Variants in SESN1 observed in about 807,000 individuals in gnomAD.
SESN1 encodes sestrin-1.
Under a neutral mutation model 59.3 loss-of-function variants are expected in SESN1, and 30 were observed. The observed-to-expected ratio is 0.51, with a 90% CI of 0.38 to 0.69. SESN1 has a LOEUF of 0.69. Ranked by LOEUF, SESN1 falls within the 30% of genes least tolerant of loss-of-function variation. The probability of loss-of-function intolerance (pLI) is 0.00; values close to 1 mark genes in which losing one functional copy is unlikely to be tolerated. For synonymous variants in SESN1, 197 were observed against 219.9 expected (o/e 0.90, Z 0.92); for missense variants, 566 against 673.0 (o/e 0.84, Z 1.76).
intron 2 of SESN1, 25 bp from the exon 3 acceptor site, chr6:109,001,513 T>G (rs149654439): frequency 6.3e-7 from 1 of 1,590,520 alleles, no homozygotes; most frequent in Non-Finnish European, 8.6e-7. Flanking sequence ...AAAACCATGG[T>G]TACTGAAATG....
Position 109,077,591 on chromosome 6 carries a change from C to A in SESN1, c.279+16204G>T, listed in dbSNP as rs111947237. On this transcript the variant is annotated intron_variant, in intron 1 of 9. Transcript: ENST00000436639. ...CTGAGTTTTGCAGATCTGGTGTGAC[C>A]CACATGATCAGACAGTGTCACCAGC... is the stretch of plus-strand genomic sequence containing the variant. Among the ~76,000 whole-genome samples, 1,114 of 152,188 alleles carry A rather than the reference C, an allele frequency of 7.3e-3. 5 individuals are homozygous for A. The highest frequency in any genetic ancestry group is 0.011 in the Non-Finnish European group (778 of 68,006).
intron 1 of SESN1, among the ~76,000 whole-genome samples, chr6:109,073,959 G>A (rs1371102038): frequency 6.6e-6 from 1 of 152,118 alleles, no homozygotes; most frequent in Non-Finnish European, 1.5e-5. Context: ...TATTAGTATT[G>A]GGACATACAG....
chr6:109,009,308 T>TGCC lies in SESN1; in HGVS notation c.280-6968_280-6966dup, dbSNP rs900966882. 20 of 1,427,228 alleles carry TGCC rather than the reference T, an allele frequency of 1.4e-5. No individual in the cohort carries two copies. The African/African-American group carries it at 3.0e-4, about 21-fold the overall frequency. 88.4% of individuals were successfully genotyped at this position (1,427,228 alleles called of 1,614,324 possible). On this transcript the variant is annotated intron_variant, in intron 1 of 9. Coordinates refer to ENST00000436639, the MANE Select transcript of SESN1 (RefSeq NM_014454.3). The stretch of plus-strand genomic sequence containing the variant: ...TGTTGCACAGGGCAGCTCGGCCGGG[T>TGCC]GCCCACCCGCCCAGGTACCCAGCGG...
chr6:109,069,241 A>C (rs549752949), intron 1 of SESN1, among the ~76,000 whole-genome samples: 10 of 152,028 alleles, frequency 6.6e-5, no homozygotes, highest in African/African-American at 2.4e-4. Flanking sequence ...TATTTTTTGA[A>C]CTATTTGATA....
intron 1 of SESN1, among the ~76,000 whole-genome samples, chr6:109,005,138 T>A (rs940763814): frequency 1.3e-5 from 2 of 152,196 alleles, no homozygotes; most frequent in African/African-American, 4.8e-5. Flanking sequence ...ACTGCAACAT[T>A]GTTTCTAATA....
At chr6:109,028,730 A>G (rs1780135518) in intron 1 of SESN1, among the ~76,000 whole-genome samples, 2 of 152,188 alleles carry the variant, frequency 1.3e-5, no homozygotes, top group African/African-American at 4.8e-5. Context: ...TACTACTTAA[A>G]AATAATTGCC....
intron 8 of SESN1, among the ~76,000 whole-genome samples, chr6:108,989,422 G>A (rs1779296681): frequency 6.8e-6 from 1 of 147,304 alleles, no homozygotes; most frequent in African/African-American, 2.4e-5. Flanking sequence ...TCTAGATCTA[G>A]AGATATATAT....
At chr6:109,075,880 A>G (rs1203188544) in intron 1 of SESN1, among the ~76,000 whole-genome samples, 1 of 152,202 alleles carries the variant, frequency 6.6e-6, no homozygotes, top group African/African-American at 2.4e-5. Flanking sequence ...CCCCAGAGGG[A>G]ATGACTCTGA....
intron 1 of SESN1, 125 bp from the exon 2 acceptor site, chr6:109,002,468 T>C (rs1032389725): frequency 5.7e-6 from 4 of 695,898 alleles, no homozygotes; most frequent in Non-Finnish European, 1.0e-5. Context: ...TTTGTTTTCA[T>C]GGCTGTATAT....
chr6:109,014,390 T>C (rs1479352974), intron 1 of SESN1, among the ~76,000 whole-genome samples: 1 of 152,190 alleles, frequency 6.6e-6, no homozygotes, highest in Non-Finnish European at 1.5e-5. Context: ...AAACTAAAAG[T>C]ATGGGCAACT....
chr6:109,066,883 G>GTCACAT (rs11281315), intron 1 of SESN1, among the ~76,000 whole-genome samples: 4 of 151,962 alleles, frequency 2.6e-5, no homozygotes, highest in African/African-American at 9.7e-5. Flanking sequence ...TACAGCAAAC[G>GTCACAT]TTGAAGTAAC....
At chr6:109,026,257 C>T (rs1386874599) in intron 1 of SESN1, among the ~76,000 whole-genome samples, 2 of 152,126 alleles carry the variant, frequency 1.3e-5, no homozygotes, top group African/African-American at 4.8e-5. Flanking sequence ...ACCAACAGAT[C>T]CTCAACTGAA....
chr6:109,030,349 CTCTATGTCCAGAGCAT>C (rs1173327818), intron 1 of SESN1, among the ~76,000 whole-genome samples: 1 of 152,194 alleles, frequency 6.6e-6, no homozygotes, highest in Admixed American at 6.5e-5. Context: ...ATGATCAAGG[CTCTATGTCCAGAGCAT>C]TTATGTAAAG....
chr6:109,083,332 A>G (rs1262672080), intron 1 of SESN1, among the ~76,000 whole-genome samples: 1 of 152,256 alleles, frequency 6.6e-6, no homozygotes, highest in Non-Finnish European at 1.5e-5. Flanking sequence ...AGTAAATCAG[A>G]AATAAAAAGT....
chr6:109,031,596 C>A (rs527992978), intron 1 of SESN1, among the ~76,000 whole-genome samples: 87 of 152,274 alleles, frequency 5.7e-4, no homozygotes, highest in Middle Eastern at 3.4e-3. Context: ...AGTTAGATGT[C>A]CTCCTTTGAA....
At chr6:109,077,629 C>G (rs1051237565) in intron 1 of SESN1, among the ~76,000 whole-genome samples, 1 of 152,206 alleles carries the variant, frequency 6.6e-6, no homozygotes, top group African/African-American at 2.4e-5. Flanking sequence ...CTGCACCCCA[C>G]CTTTGGGAAC....
chr6:109,077,533 C>T (rs571212336), intron 1 of SESN1, among the ~76,000 whole-genome samples: 1 of 152,124 alleles, frequency 6.6e-6, no homozygotes, highest in African/African-American at 2.4e-5. Flanking sequence ...GAATGTAAAC[C>T]CCAAATATAA....
intron 1 of SESN1, among the ~76,000 whole-genome samples, chr6:109,080,043 A>G (rs1324895329): frequency 6.6e-6 from 1 of 152,222 alleles, no homozygotes; most frequent in African/African-American, 2.4e-5. Context: ...TCCACAGGAA[A>G]AATACTCAAC....
In SESN1 at chr6:109,061,790, C is replaced by G. The variant is rs529293370; in HGVS notation, c.279+32005G>C. Among the ~76,000 whole-genome samples the G allele has an allele frequency of 7.2e-5, 11 of 151,948 alleles. No individual in the cohort carries two copies. The East Asian group carries it at 2.1e-3, about 29-fold the overall frequency. On this transcript the variant is annotated intron_variant, in intron 1 of 9. Transcript: ENST00000436639. The stretch of plus-strand genomic sequence containing the variant: ...CTGCACTCCAGCCTGGGCAACAGAG[C>G]GAGATCCTGTCTCAAAAAAAAAATT...
Sources: allele counts gnomAD v4.1 joint callset (sites outside exome capture counted in the v4.1 genomes callset), GRCh38; gene constraint gnomAD v4.1.1; transcripts MANE v1.5; gene names NCBI Gene and HGNC (gene_info 2026-07-23, HGNC 2026-07-21).